The following KIF3B variants were observed in gnomAD, a reference collection of about 807,000 sequenced individuals.
KIF3B encodes kinesin family member 3B.
In KIF3B, 38 loss-of-function variants were observed where a neutral mutation model predicts 74.3. That is an observed-to-expected ratio of 0.51 (90% CI 0.39 to 0.67). The LOEUF (loss-of-function observed/expected upper bound fraction) is 0.67, where lower values mean the gene tolerates loss of function less well. Ranked by LOEUF, KIF3B falls within the 30% of genes least tolerant of loss-of-function variation. The pLI, the probability that KIF3B is intolerant of heterozygous loss-of-function variation, is 0.00. For missense variants in KIF3B, 649 were observed against 932.0 expected, an observed-to-expected ratio of 0.70 and a Z score of 3.95; for synonymous variants, 326 against 342.5, an observed-to-expected ratio of 0.95 and a Z score of 0.53.
chr20:32,323,121 T>G (rs1370717430), intron 5 of KIF3B, among the ~76,000 whole-genome samples: 3 of 125,656 alleles, frequency 2.4e-5, no homozygotes, highest in Non-Finnish European at 3.2e-5. Context: ...TTTATATATT[T>G]ATATTTATAT....
At chr20:32,292,837 T>G (rs917470458) in intron 1 of KIF3B, among the ~76,000 whole-genome samples, 11 of 152,148 alleles carry the variant, frequency 7.2e-5, no homozygotes, top group African/African-American at 2.2e-4. Context: ...TGGGAGTGGA[T>G]CCTACCAACT....
chr20:32,280,588 G>A (rs1401568038), intron 1 of KIF3B, among the ~76,000 whole-genome samples: 6 of 151,694 alleles, frequency 4.0e-5, no homozygotes, highest in African/African-American at 1.4e-4. Context: ...GGTGGCGGGC[G>A]CCTGTAGTCC....
In KIF3B at chr20:32,331,442, C is replaced by T; in HGVS notation, c.*123C>T. On this transcript the variant is annotated 3_prime_UTR_variant, in exon 9 of 9. Coordinates refer to ENST00000375712, the MANE Select transcript of KIF3B (RefSeq NM_004798.4). ...TGTTCCCCTGAGGAGAAGCGGTGGC[C>T]TCTTTGCAGATCAACCAACTTAATC... 1 of 714,342 alleles carries T rather than the reference C, an allele frequency of 1.4e-6. No homozygotes were observed. Among genetic ancestry groups the T allele is most frequent in the South Asian group, 1.9e-5 (1 of 53,940 alleles). The allele number at this position is 714,342 out of a possible 1,614,324, so 44.3% of individuals were successfully genotyped here.
chr20:32,310,450 T>A lies in KIF3B; in HGVS notation c.673T>A (p.Cys225Ser), dbSNP rs758159723. ...TGCAATTTTCGTTATCACTATTGAG[T>A]GCAGCGAGGTGGGCCTCGATGGTGA... is the stretch of plus-strand genomic sequence containing the variant. The part of the protein sequence containing the change: ...SHAIFVITIE[C>S]SEVGLDGENH... The change falls in exon 2 of 9, where the codon TGC becomes AGC. Residue 225 changes from cysteine (C) to serine (S), a missense_variant. By Grantham distance (112) the Cys-to-Ser change is moderately radical. Transcript: ENST00000375712. The surrounding 1 kb of genome is among the most constrained non-coding windows in gnomAD (Gnocchi z 6.5). 6.2e-7 allele frequency: 1 copy of A among 1,614,068 alleles called. No homozygotes were observed. The highest frequency in any genetic ancestry group is 1.1e-5 in the South Asian group (1 of 91,086).
intron 7 of KIF3B, among the ~76,000 whole-genome samples, chr20:32,329,632 A>G (rs1468960705): frequency 6.6e-6 from 1 of 152,104 alleles, no homozygotes; most frequent in Admixed American, 6.6e-5. Flanking sequence ...CTGAACTAGG[A>G]TACACAACGT....
At chr20:32,325,513 T>TA (rs1176607268) in intron 5 of KIF3B, among the ~76,000 whole-genome samples, 5 of 151,912 alleles carry the variant, frequency 3.3e-5, no homozygotes, top group Non-Finnish European at 7.4e-5. Context: ...TTCTAATGAA[T>TA]AAATAGAATC....
rs767267631 is a variant in KIF3B at position 32,310,743 on chromosome 20, C to A, written c.966C>A (p.Tyr322Ter). 1.2e-6 allele frequency: 2 copies of A among 1,614,032 alleles called. No homozygotes were observed. Among genetic ancestry groups the A allele is most frequent in the Non-Finnish European group, 1.7e-6 (2 of 1,180,040 alleles). The part of the protein sequence containing the change: ...VMVANVGPAS[Y>*]NVEETLTTLR... ...TGGCCAACGTGGGGCCTGCCTCTTA[C>A]AACGTAGAAGAGACTCTGACCACTC... The change falls in exon 2 of 9, where the codon TAC becomes TAA. Residue 322 changes from tyrosine (Y) to a stop codon, truncating the protein, a stop_gained. Coordinates refer to ENST00000375712, the MANE Select transcript of KIF3B (RefSeq NM_004798.4). LOFTEE classifies it high-confidence loss of function. The surrounding 1 kb of genome is among the most constrained non-coding windows in gnomAD (Gnocchi z 6.5).
intron 1 of KIF3B, among the ~76,000 whole-genome samples, chr20:32,295,034 A>C (rs1002530943): frequency 5.9e-5 from 9 of 152,208 alleles, no homozygotes; most frequent in African/African-American, 2.2e-4. Flanking sequence ...TGTGACAAAC[A>C]CAAATTGTGT....
chr20:32,289,882 T>G (rs2047683441), intron 1 of KIF3B, among the ~76,000 whole-genome samples: 2 of 152,154 alleles, frequency 1.3e-5, no homozygotes, highest in Non-Finnish European at 1.5e-5. Flanking sequence ...CTTTGCCACT[T>G]ATTAACTCAG....
intron 1 of KIF3B, among the ~76,000 whole-genome samples, chr20:32,301,307 C>T (rs1183533360): frequency 1.3e-5 from 2 of 151,626 alleles, no homozygotes; most frequent in Non-Finnish European, 2.9e-5. Flanking sequence ...TCAGGTGATA[C>T]GCCCGCCTCG....
rs1331679908 is a variant in KIF3B, at chr20:32,316,820, A to C, written c.1694A>C (p.Glu565Ala). ...GACCTCCAAGAAGAACACATCAAGG[A>C]GCGCCAAGAGCTAGAGCAGACTCAG... is the stretch of plus-strand genomic sequence containing the variant. The part of the protein sequence containing the change: ...IHDLQEEHIK[E>A]RQELEQTQNE... The change falls in exon 5 of 9, where the codon GAG (glutamate) becomes GCG (alanine). Residue 565 changes from glutamate to alanine, a missense_variant. By Grantham distance (107) the Glu-to-Ala change is moderately radical. Coordinates refer to ENST00000375712, the MANE Select transcript of KIF3B (RefSeq NM_004798.4). The C allele has an allele frequency of 5.0e-6, 8 of 1,614,100 alleles. No homozygotes were observed. The highest frequency in any genetic ancestry group is 6.8e-6 in the Non-Finnish European group (8 of 1,180,018).
chr20:32,312,555 A>AT (rs953598285), intron 2 of KIF3B, among the ~76,000 whole-genome samples: 5 of 152,002 alleles, frequency 3.3e-5, no homozygotes, highest in Admixed American at 3.3e-4. Context: ...TTTTCATATA[A>AT]TTTTTTGCTT....
At chr20:32,279,005 C>T (rs1035530669) in intron 1 of KIF3B, among the ~76,000 whole-genome samples, 2 of 149,850 alleles carry the variant, frequency 1.3e-5, no homozygotes, top group African/African-American at 4.9e-5. Context: ...CTCACTGCAA[C>T]CTCCGCCTCG....
chr20:32,322,758 TTATATATATTTATATATATATTTA>T (rs1288906607), intron 5 of KIF3B, among the ~76,000 whole-genome samples: 1,639 of 42,636 alleles, frequency 0.038, 249 homozygotes, highest in African/African-American at 0.19. Flanking sequence ...ATATATATAT[TTATATATATTTATATATATATTTA>T]TATATATTTA....
At chr20:32,319,993 C>G (rs2047851241) in intron 5 of KIF3B, among the ~76,000 whole-genome samples, 1 of 152,018 alleles carries the variant, frequency 6.6e-6, no homozygotes, top group African/African-American at 2.4e-5. Context: ...CTCCTGGGTT[C>G]AAGTGATTGT....
chr20:32,330,311 C>A lies in KIF3B; in HGVS notation c.2139C>A (p.Ser713=), dbSNP rs781035969. ...TTGAAAGCACTGCAAATAAGAAATC[C>A]AAGGCCAGGTGAGTGGCTTTGATGA... The part of the protein sequence containing the change: ...SSFESTANKK[S]KARPKSGRKS... Residue 713 remains serine, a synonymous_variant, in exon 8 of 9, where the codon TCC becomes TCA. Transcript: ENST00000375712. 7.4e-6 allele frequency: 12 copies of A among 1,613,562 alleles called. No individual in the cohort carries two copies. Among genetic ancestry groups the A allele is most frequent in the Non-Finnish European group, 1.0e-5 (12 of 1,179,800 alleles).
At chr20:32,303,596 A>G (rs1442479779) in intron 1 of KIF3B, among the ~76,000 whole-genome samples, 2 of 146,758 alleles carry the variant, frequency 1.4e-5, no homozygotes, top group Non-Finnish European at 3.0e-5. Context: ...GGCTGGGTGC[A>G]GTGGCTCAAA....
intron 1 of KIF3B, among the ~76,000 whole-genome samples, chr20:32,278,911 C>G (rs1366568528): frequency 7.0e-5 from 10 of 141,970 alleles, no homozygotes; most frequent in African/African-American, 2.6e-4. Flanking sequence ...GAAGGACCTG[C>G]TTAAGAATCC....
intron 2 of KIF3B, among the ~76,000 whole-genome samples, chr20:32,311,833 A>C (rs1600430637): frequency 7.8e-6 from 1 of 128,602 alleles, no homozygotes; most frequent in African/African-American, 3.0e-5. Context: ...ATGGAGTTTC[A>C]CTCTCGTCAC....
Sources: allele counts gnomAD v4.1 joint callset (sites outside exome capture counted in the v4.1 genomes callset), GRCh38; gene constraint gnomAD v4.1.1; non-coding constraint Gnocchi (gnomAD v3.1); transcripts MANE v1.5; gene names NCBI Gene and HGNC (gene_info 2026-07-23, HGNC 2026-07-21).